DMXL1: variants seen among roughly 807,000 people sequenced by gnomAD.
The protein encoded by DMXL1 is dmX-like protein 1.
DMXL1 carries 99 observed loss-of-function variants against 319.2 expected under a neutral mutation model. The observed-to-expected ratio is 0.31, with a 90% CI of 0.26 to 0.37. The LOEUF (loss-of-function observed/expected upper bound fraction) is 0.37, where lower values mean the gene tolerates loss of function less well. DMXL1 is among the 10% of genes least tolerant of loss of function. The pLI, the probability that DMXL1 is intolerant of heterozygous loss-of-function variation, is 1.00. For synonymous variants in DMXL1, 1,385 were observed against 1,235.2 expected, an observed-to-expected ratio of 1.12 and a Z score of -2.54; for missense variants, 3,745 against 3,595.6, an observed-to-expected ratio of 1.04 and a Z score of -1.06.
chr5:119,227,964 A>G (rs1056850569), intron 38 of DMXL1, among the ~76,000 whole-genome samples: 3 of 152,228 alleles, frequency 2.0e-5, no homozygotes, highest in Non-Finnish European at 4.4e-5. Flanking sequence ...CCAAATTTCC[A>G]TAAACTACTG....
intron 34 of DMXL1, among the ~76,000 whole-genome samples, chr5:119,214,915 C>G (rs925650509): frequency 1.6e-4 from 25 of 152,174 alleles, no homozygotes; most frequent in African/African-American, 5.8e-4. Context: ...TGGCACATCC[C>G]TCTATTCCAT....
chr5:119,236,603 A>G (rs1330407440), intron 39 of DMXL1: 2 of 152,038 alleles, frequency 1.3e-5, no homozygotes, highest in Non-Finnish European at 2.9e-5. Context: ...TTTAAATGCT[A>G]TATTGTGAAT....
intron 32 of DMXL1, among the ~76,000 whole-genome samples, chr5:119,198,343 T>C (rs946757142): frequency 1.3e-5 from 2 of 152,204 alleles, no homozygotes; most frequent in African/African-American, 4.8e-5. Context: ...ATTCTTGTCA[T>C]AACTACTCAA....
At chr5:119,095,491 A>G (rs1272969475) in intron 1 of DMXL1, among the ~76,000 whole-genome samples, 3 of 152,238 alleles carry the variant, frequency 2.0e-5, no homozygotes, top group Non-Finnish European at 4.4e-5. Context: ...ATGTTTGACA[A>G]AATACTTGCA....
At chr5:119,222,639 T>G (rs543441995) in intron 37 of DMXL1, among the ~76,000 whole-genome samples, 1 of 152,284 alleles carries the variant, frequency 6.6e-6, no homozygotes, top group Admixed American at 6.5e-5. Flanking sequence ...AGCAGCCAGT[T>G]ACTCTTTTCT....
intron 21 of DMXL1, 144 bp downstream of exon 21, chr5:119,165,424 G>T (rs761233406): frequency 1.9e-6 from 1 of 533,594 alleles, no homozygotes; most frequent in Admixed American, 3.6e-5. Flanking sequence ...GAGAGATTTC[G>T]TAAGGAAAAA....
intron 1 of DMXL1, among the ~76,000 whole-genome samples, chr5:119,080,486 G>T (rs996339193): frequency 3.3e-5 from 5 of 151,786 alleles, no homozygotes; most frequent in African/African-American, 1.2e-4. Flanking sequence ...TATCCAGCTG[G>T]TTTTTTTTAA....
At chr5:119,202,230 C>G (rs1780832771) in intron 32 of DMXL1, among the ~76,000 whole-genome samples, 1 of 152,162 alleles carries the variant, frequency 6.6e-6, no homozygotes, top group Non-Finnish European at 1.5e-5. Flanking sequence ...CCTCTTAATG[C>G]TGCCTTAGCT....
chr5:119,161,757 T>TGACA (rs1186132004), intron 19 of DMXL1, among the ~76,000 whole-genome samples: 1 of 152,176 alleles, frequency 6.6e-6, no homozygotes, highest in Non-Finnish European at 1.5e-5. Context: ...GGGTGGGCTC[T>TGACA]GAGGCTGGTT....
At chr5:119,097,348 G>A (rs1430449872) in intron 1 of DMXL1, among the ~76,000 whole-genome samples, 4 of 152,174 alleles carry the variant, frequency 2.6e-5, no homozygotes, top group Admixed American at 6.5e-5. Context: ...AGGCAAGAAT[G>A]GAAGTTTGCT....
At chr5:119,105,137 A>C (rs754742521) in intron 3 of DMXL1, 43 bp from the exon 4 acceptor site, 4 of 1,265,440 alleles carry the variant, frequency 3.2e-6, no homozygotes, top group Non-Finnish European at 4.6e-6. Flanking sequence ...GACAGAGAAA[A>C]TATGCCAATC....
rs1358112291 is a variant in DMXL1, at chr5:119,197,756, G to C, written c.7545G>C (p.Glu2515Asp). 1 of 1,613,634 alleles carries C rather than the reference G, an allele frequency of 6.2e-7. No individual in the cohort carries two copies. The highest frequency in any genetic ancestry group is 8.5e-7 in the Non-Finnish European group (1 of 1,179,904). ...FYPFAGHDLA[E>D]LPVSSPLCHA... is the part of the protein sequence containing the mutation. ...TATGAGTCAATGTTCCCATTTTAGA[G>C]CTTCCAGTTAGTTCACCTCTTTGTC... Residue 2515 changes from glutamate (E) to aspartate (D), a missense_variant and splice_region_variant, in exon 32 of 44, where the codon GAG becomes GAC. By Grantham distance (45) the Glu-to-Asp change is conservative. Coordinates refer to ENST00000539542, the MANE Select transcript of DMXL1 (RefSeq NM_001290321.3).
At chr5:119,240,137 G>T (rs1311953379) in intron 41 of DMXL1, among the ~76,000 whole-genome samples, 1 of 152,026 alleles carries the variant, frequency 6.6e-6, no homozygotes, top group African/African-American at 2.4e-5. Flanking sequence ...GCCAGACATG[G>T]TGGCACACAT....
intron 4 of DMXL1, among the ~76,000 whole-genome samples, chr5:119,108,156 A>T (rs996710555): frequency 2.6e-5 from 4 of 152,180 alleles, no homozygotes; most frequent in Non-Finnish European, 5.9e-5. Flanking sequence ...TGAGCCCAGG[A>T]GTTTGAGACC....
intron 37 of DMXL1, among the ~76,000 whole-genome samples, chr5:119,223,061 T>C (rs1049259415): frequency 4.7e-5 from 7 of 149,552 alleles, no homozygotes; most frequent in Non-Finnish European, 7.4e-5. Context: ...AGTTGTGTTT[T>C]TTTTTTTTTT....
intron 32 of DMXL1, among the ~76,000 whole-genome samples, chr5:119,202,887 A>ATATATATATATATATATTTATATATTTT (rs1554139455): frequency 9.0e-6 from 1 of 111,634 alleles, no homozygotes. Context: ...ATATATTTTT[A>ATATATATATATATATATTTATATATTTT]TATATATATA....
At chr5:119,120,261 C>A (rs542991974) in intron 8 of DMXL1, among the ~76,000 whole-genome samples, 39 of 152,314 alleles carry the variant, frequency 2.6e-4, no homozygotes, top group African/African-American at 9.1e-4. Context: ...TATGCAGCAA[C>A]AATTTTTCTA....
intron 1 of DMXL1, 25 bp downstream of exon 1, chr5:119,071,681 G>C (rs1464119991): frequency 1.3e-6 from 2 of 1,557,724 alleles, no homozygotes; most frequent in Non-Finnish European, 1.7e-6. Context: ...CCCTCGCGTC[G>C]CCCGTGGCCC....
At chr5:119,076,586 A>C (rs1400535501) in intron 1 of DMXL1, among the ~76,000 whole-genome samples, 1 of 152,240 alleles carries the variant, frequency 6.6e-6, no homozygotes, top group Non-Finnish European at 1.5e-5. Context: ...TACAGTGTTT[A>C]AGTACCTTTA....
Sources: gnomAD v4.1 joint callset for allele counts (sites outside exome capture counted in the v4.1 genomes callset) on GRCh38, gnomAD v4.1.1 for gene constraint, MANE v1.5 for transcripts, NCBI Gene and HGNC (gene_info 2026-07-23, HGNC 2026-07-21) for gene names.